Variants in DNAJA1 observed in about 807,000 individuals in gnomAD.
The protein encoded by DNAJA1 is DnaJ heat shock protein family (Hsp40) member A1, also known as dnaJ homolog subfamily A member 1.
A neutral mutation model predicts 47.6 loss-of-function variants in DNAJA1; 26 were observed. That is an observed-to-expected ratio of 0.55 (90% CI 0.40 to 0.76). The LOEUF (loss-of-function observed/expected upper bound fraction) is 0.76, where lower values mean the gene tolerates loss of function less well. DNAJA1 is among the 30% of genes least tolerant of loss of function. DNAJA1 has a pLI of 0.00. For synonymous variants in DNAJA1, 165 were observed against 158.4 expected (o/e 1.04, Z -0.31); for missense variants, 315 against 485.0 (o/e 0.65, Z 3.29).
chr9:33,031,881 T>C (rs1319191754), intron 5 of DNAJA1, among the ~76,000 whole-genome samples: 5 of 152,344 alleles, frequency 3.3e-5, no homozygotes, highest in Admixed American at 3.3e-4. Flanking sequence ...GATTTAGAAA[T>C]AACTATATAA....
chr9:33,037,458 G>A (rs1414937023), intron 8 of DNAJA1: 2 of 167,308 alleles, frequency 1.2e-5, no homozygotes, highest in East Asian at 3.4e-4. Context: ...AAGACAGGTG[G>A]ATTGCTTGAG....
chr9:33,030,631 C>T lies in DNAJA1; in HGVS notation c.607C>T (p.Arg203Ter), dbSNP rs910015688. Residue 203 changes from arginine (R) to a stop codon, truncating the protein, a stop_gained, in exon 5 of 9, where the codon CGA becomes TGA. Transcript: ENST00000330899. LOFTEE classifies it high-confidence loss of function. ...AAGCTGCAACGGAAGGAAGATAGTT[C>T]GAGAGAAGAAAATTTTAGAAGTTCA... ...CKSCNGRKIVREKKILEVHID... is the reference protein window; with the variant it reads ...CKSCNGRKIV 1 of 1,613,526 alleles carries T rather than the reference C, an allele frequency of 6.2e-7. No homozygotes were observed. Among genetic ancestry groups the T allele is most frequent in the Non-Finnish European group, 8.5e-7 (1 of 1,179,810 alleles).
chr9:33,037,266 G>T, intron 8 of DNAJA1, 151 bp downstream of exon 8: 16 of 458,216 alleles, frequency 3.5e-5, no homozygotes, highest in East Asian at 7.9e-5. Flanking sequence ...GAGCCCTGGA[G>T]TTTTGAGAAC....
intron 6 of DNAJA1, among the ~76,000 whole-genome samples, chr9:33,035,135 C>G (rs907989756): frequency 2.0e-5 from 3 of 149,900 alleles, no homozygotes; most frequent in African/African-American, 7.4e-5. Context: ...TGGTGGCTTA[C>G]GCCTGTAATC....
chr9:33,035,037 CTTTTTT>C (rs11371852), intron 6 of DNAJA1, among the ~76,000 whole-genome samples: 1 of 113,878 alleles, frequency 8.8e-6, no homozygotes, highest in Non-Finnish European at 1.8e-5. Flanking sequence ...AAGAACCCAC[CTTTTTT>C]TTTTTTTTTT....
chr9:33,029,821 G>A, intron 3 of DNAJA1, 64 bp from the exon 4 acceptor site: 1 of 1,339,324 alleles, frequency 7.5e-7, no homozygotes, highest in Non-Finnish European at 1.0e-6. Context: ...TCTTTATAGT[G>A]CCTTTAGCAC....
chr9:33,030,740 T>C (rs1838948026), intron 5 of DNAJA1, 73 bp downstream of exon 5: 2 of 1,279,534 alleles, frequency 1.6e-6, no homozygotes, highest in Admixed American at 4.5e-5. Flanking sequence ...TATAATTGTT[T>C]AAAAATCATT....
chr9:33,031,981 C>T (rs1157258838), intron 5 of DNAJA1, among the ~76,000 whole-genome samples: 2 of 152,092 alleles, frequency 1.3e-5, no homozygotes, highest in African/African-American at 4.8e-5. Flanking sequence ...AAATGTATTA[C>T]AGCAATACAC....
rs55678836 is a variant in DNAJA1, at chr9:33,034,804, T to C, written c.758+474T>C. On this transcript the variant is annotated intron_variant, in intron 6 of 8. Coordinates refer to ENST00000330899, the MANE Select transcript of DNAJA1 (RefSeq NM_001539.4). The stretch of plus-strand genomic sequence containing the variant: ...GCTAAATAATGAGTATGATGAACAC[T>C]GAAGCACAAGAAAGATGGATGATTA... Among the ~76,000 whole-genome samples the C allele has an allele frequency of 6.4e-3, 981 of 152,292 alleles. 16 individuals carry two copies. The highest frequency in any genetic ancestry group is 8.0e-3 in the Non-Finnish European group (544 of 68,018).
chr9:33,026,848 T>A lies in DNAJA1; in HGVS notation c.168T>A (p.Ser56=). ...TTTCTCAAGCTTACGAAGTTCTCTC[T>A]GATGCAAAGAAAAGGGAATTATATG... The part of the protein sequence containing the change: ...KQISQAYEVL[S]DAKKRELYDK... The change falls in exon 3 of 9, where the codon TCT becomes TCA. Residue 56 remains serine, a synonymous_variant. Coordinates refer to ENST00000330899, the MANE Select transcript of DNAJA1 (RefSeq NM_001539.4). The A allele has an allele frequency of 6.2e-7, 1 of 1,614,104 alleles. No homozygotes were observed. The highest frequency in any genetic ancestry group is 1.7e-4 in the Middle Eastern group (1 of 6,060).
At chr9:33,032,856 G>A (rs1195003367) in intron 5 of DNAJA1, among the ~76,000 whole-genome samples, 1 of 152,140 alleles carries the variant, frequency 6.6e-6, no homozygotes, top group Non-Finnish European at 1.5e-5. Context: ...GCATGCGTAG[G>A]GGTGTAATAC....
intron 6 of DNAJA1, 123 bp from the exon 7 acceptor site, chr9:33,036,451 G>A: frequency 1.7e-6 from 1 of 576,242 alleles, no homozygotes; most frequent in East Asian, 3.0e-5. Context: ...TTTTACAATG[G>A]GGGAAGAAAA....
chr9:33,035,465 T>C lies in DNAJA1; in HGVS notation c.759-1109T>C, dbSNP rs189428699. 4.6e-3 allele frequency among the ~76,000 whole-genome samples: 697 copies of C among 150,942 alleles called. 9 individuals are homozygous for C. Among genetic ancestry groups the C allele is most frequent in the Non-Finnish European group, 6.6e-3 (441 of 67,078 alleles). ...TTTGAGAAGGGTATTAAAGATGTTT[T>C]ATTTATTTATTTATTTTTTTTGAGA... On this transcript the variant is annotated intron_variant, in intron 6 of 8. Coordinates refer to ENST00000330899, the MANE Select transcript of DNAJA1 (RefSeq NM_001539.4).
At chr9:33,025,754 A>AGGGGCTGCGGGGGCTGCG (rs531501424) in intron 1 of DNAJA1, among the ~76,000 whole-genome samples, 1 of 151,536 alleles carries the variant, frequency 6.6e-6, no homozygotes, top group African/African-American at 2.4e-5. Context: ...GGCAGGGGCG[A>AGGGGCTGCGGGGGCTGCG]GGGGCTGCGG....
rs373576635 is a variant in DNAJA1 at position 33,026,761 on chromosome 9, A to G, written c.133-52A>G. On this transcript the variant is annotated intron_variant, in intron 2 of 8. Coordinates refer to ENST00000330899, the MANE Select transcript of DNAJA1 (RefSeq NM_001539.4). ...AGCTAAGATCAAGTGTAATGTAGCTAGGTAACACTTGTTTTTTAAAAAATG... is the reference window on the plus strand; with the variant it reads ...AGCTAAGATCAAGTGTAATGTAGCTGGGTAACACTTGTTTTTTAAAAAATG... 66 of 1,599,010 alleles carry G rather than the reference A, an allele frequency of 4.1e-5. No individual in the cohort carries two copies. The African/African-American group carries it at 7.0e-4, about 17-fold the overall frequency.
Position 33,039,196 on chromosome 9 carries a change from A to G in DNAJA1, c.*293A>G, listed in dbSNP as rs1049187204. Reference sequence around the variant, plus strand: ...ATTGACTTCAGCTATGTACGTGGACAAGCTTAGACTGAAATGCTAGGTATA... The same window carrying G: ...ATTGACTTCAGCTATGTACGTGGACGAGCTTAGACTGAAATGCTAGGTATA... On this transcript the variant is annotated 3_prime_UTR_variant, in exon 9 of 9. Transcript: ENST00000330899. The G allele has an allele frequency of 8.0e-6, 3 of 376,534 alleles. No individual in the cohort carries two copies. The highest frequency in any genetic ancestry group is 6.2e-5 in the African/African-American group (3 of 48,438). The allele number at this position is 376,534 out of a possible 1,614,324, so 23.3% of individuals were successfully genotyped here.
chr9:33,038,742 C>G lies in DNAJA1; in HGVS notation c.1033C>G (p.Leu345Val). 2 of 1,614,136 alleles carry G rather than the reference C, an allele frequency of 1.2e-6. No individual in the cohort carries two copies. Among genetic ancestry groups the G allele is most frequent in the Non-Finnish European group, 1.7e-6 (2 of 1,180,016 alleles). ...TGATAAACTGTCTTTGCTGGAAAAA[C>G]TCCTACCCGAGAGGAAGGAAGTGGA... ...SPDKLSLLEK[L>V]LPERKEVEET... The change falls in exon 9 of 9, where the codon CTC (leucine) becomes GTC (valine). Residue 345 changes from leucine (L) to valine (V), a missense_variant. By Grantham distance (32) the Leu-to-Val change is conservative. This residue lies in a region of DNAJA1 where 162 missense variants were observed against 185.4 expected (regional missense o/e 0.87). Transcript: ENST00000330899.
intron 6 of DNAJA1, 62 bp from the exon 7 acceptor site, chr9:33,036,512 G>A: frequency 9.1e-7 from 1 of 1,104,894 alleles, no homozygotes; most frequent in Admixed American, 2.4e-5. Flanking sequence ...AAAACAGCCT[G>A]CTTTGGTACA....
chr9:33,038,111 TCTC>T (rs1839063775), intron 8 of DNAJA1, among the ~76,000 whole-genome samples: 1 of 152,024 alleles, frequency 6.6e-6, no homozygotes, highest in African/African-American at 2.4e-5. Context: ...TTCAAGCAGT[TCTC>T]CTGCCTCAGC....
Sources: allele counts gnomAD v4.1 joint callset (sites outside exome capture counted in the v4.1 genomes callset), GRCh38; gene constraint gnomAD v4.1.1; regional missense constraint gnomAD v4.1.1; transcripts MANE v1.5; gene names NCBI Gene and HGNC (gene_info 2026-07-23, HGNC 2026-07-21).